Variants in GSTCD observed in about 807,000 individuals in gnomAD.
GSTCD encodes the protein glutathione S-transferase C-terminal domain-containing protein.
Under a neutral mutation model 68.3 loss-of-function variants are expected in GSTCD, and 44 were observed. That is an observed-to-expected ratio of 0.64 (90% CI 0.51 to 0.83). GSTCD has a LOEUF of 0.83. GSTCD is among the 40% of genes least tolerant of loss of function. The pLI is 0.00. For synonymous variants in GSTCD, 273 were observed against 255.2 expected (o/e 1.07, Z -0.67); for missense variants, 739 against 735.9 (o/e 1.00, Z -0.05).
intron 5 of GSTCD, among the ~76,000 whole-genome samples, chr4:105,813,966 T>C (rs1420637378): frequency 1.3e-5 from 2 of 152,178 alleles, no homozygotes; most frequent in Non-Finnish European, 2.9e-5. Context: ...TCCAGCACCT[T>C]GATCAGGGCC....
intron 5 of GSTCD, chr4:105,746,113 A>G (rs1733793565): frequency 6.6e-6 from 1 of 151,952 alleles, no homozygotes; most frequent in Admixed American, 6.6e-5. Context: ...ATAACTTTTG[A>G]CTCCCCAAAA....
chr4:105,743,715 G>A (rs1235042818), intron 5 of GSTCD, among the ~76,000 whole-genome samples: 2 of 143,250 alleles, frequency 1.4e-5, no homozygotes, highest in South Asian at 4.3e-4. Flanking sequence ...CTGGAGTGCG[G>A]TGGCACGATC....
intron 5 of GSTCD, among the ~76,000 whole-genome samples, chr4:105,786,749 T>A (rs1735483761): frequency 6.6e-6 from 1 of 152,096 alleles, no homozygotes; most frequent in South Asian, 2.1e-4. Flanking sequence ...ATGCTCAACA[T>A]CATTAGCTGT....
chr4:105,777,200 G>A (rs1421904278), intron 5 of GSTCD, among the ~76,000 whole-genome samples: 1 of 152,124 alleles, frequency 6.6e-6, no homozygotes, highest in Admixed American at 6.5e-5. Flanking sequence ...GGCACCTAAG[G>A]ATAGTGAATT....
intron 3 of GSTCD, 30 bp downstream of exon 3, chr4:105,719,557 C>A: frequency 6.7e-7 from 1 of 1,487,020 alleles, no homozygotes; most frequent in Non-Finnish European, 9.3e-7. Context: ...GTACACATTA[C>A]TATGAGTTTC....
intron 5 of GSTCD, among the ~76,000 whole-genome samples, chr4:105,793,329 C>T (rs957966724): frequency 3.3e-5 from 5 of 151,570 alleles, no homozygotes; most frequent in African/African-American, 4.9e-5. Flanking sequence ...TTTCCTAAGC[C>T]CTATCTCTGA....
chr4:105,758,952 A>C (rs1346651977), intron 5 of GSTCD, among the ~76,000 whole-genome samples: 2 of 152,220 alleles, frequency 1.3e-5, no homozygotes, highest in Non-Finnish European at 2.9e-5. Flanking sequence ...TTAATATCTG[A>C]CATCATTTTT....
chr4:105,759,879 A>G (rs76694233), intron 5 of GSTCD, among the ~76,000 whole-genome samples: 6,799 of 152,288 alleles, frequency 0.045, 210 homozygotes, highest in Middle Eastern at 0.13. Context: ...TGGAATAGCT[A>G]GTGAAATACA....
chr4:105,723,803 T>G (rs1732946137), intron 3 of GSTCD, among the ~76,000 whole-genome samples: 1 of 151,844 alleles, frequency 6.6e-6, no homozygotes. Flanking sequence ...CCTACTATGT[T>G]GATTTCACAA....
intron 5 of GSTCD, among the ~76,000 whole-genome samples, chr4:105,778,233 A>G (rs1026058213): frequency 6.6e-6 from 1 of 152,200 alleles, no homozygotes; most frequent in Non-Finnish European, 1.5e-5. Context: ...AAGCATTGGC[A>G]TAGTAAGAAT....
intron 5 of GSTCD, among the ~76,000 whole-genome samples, chr4:105,815,874 TAAC>T (rs910740524): frequency 2.6e-5 from 4 of 152,282 alleles, no homozygotes; most frequent in African/African-American, 7.2e-5. Context: ...GGACTTAAAA[TAAC>T]AACAACAAAA....
chr4:105,737,047 A>G (rs955110536), intron 5 of GSTCD, among the ~76,000 whole-genome samples: 3 of 152,150 alleles, frequency 2.0e-5, no homozygotes, highest in African/African-American at 7.2e-5. Context: ...TGCTGCAATA[A>G]ACATGTAAGG....
chr4:105,713,191 G>A (rs1436233440), intron 1 of GSTCD, among the ~76,000 whole-genome samples: 2 of 151,576 alleles, frequency 1.3e-5, no homozygotes. Context: ...ACCTAATTGT[G>A]TGGCATGCTC....
At chr4:105,795,939 A>G (rs770249200) in intron 5 of GSTCD, among the ~76,000 whole-genome samples, 4 of 152,212 alleles carry the variant, frequency 2.6e-5, no homozygotes, top group Non-Finnish European at 4.4e-5. Context: ...TCCCTGTAGA[A>G]TCGAGCTTTC....
Position 105,719,348 on chromosome 4 carries a change from C to G in GSTCD, c.715C>G (p.Leu239Val), listed in dbSNP as rs1388048179. 1 of 1,614,116 alleles carries G rather than the reference C, an allele frequency of 6.2e-7. No individual in the cohort carries two copies. Among genetic ancestry groups the G allele is most frequent in the Non-Finnish European group, 8.5e-7 (1 of 1,179,988 alleles). ...GGATTCTTCATCCAAGAGTCTGGAA[C>G]TGAAAGTGGCATTCTCAAAGCTCAC... ...GLDSSSKSLE[L>V]KVAFSKLTVQ... Residue 239 changes from leucine to valine, a missense_variant, in exon 3 of 12, where the codon CTG (leucine) becomes GTG (valine). Physicochemically the swap from Leu to Val is conservative, Grantham distance 32 (BLOSUM62 1). Transcript: ENST00000515279.
At chr4:105,723,713 T>C (rs1421338602) in intron 3 of GSTCD, among the ~76,000 whole-genome samples, 1 of 151,680 alleles carries the variant, frequency 6.6e-6, no homozygotes, top group Non-Finnish European at 1.5e-5. Flanking sequence ...CTTTAAATAA[T>C]ATGTAAAAAA....
At chr4:105,791,203 C>T (rs1025255399) in intron 5 of GSTCD, among the ~76,000 whole-genome samples, 1 of 151,856 alleles carries the variant, frequency 6.6e-6, no homozygotes, top group African/African-American at 2.4e-5. Flanking sequence ...ACCATTCTGG[C>T]TAACACAGTG....
At chr4:105,778,800 T>C (rs1387650650) in intron 5 of GSTCD, among the ~76,000 whole-genome samples, 2 of 152,144 alleles carry the variant, frequency 1.3e-5, no homozygotes, top group African/African-American at 2.4e-5. Context: ...TCCAGACATA[T>C]GAAAGTTACA....
chr4:105,768,068 C>G (rs1734691507), intron 5 of GSTCD, among the ~76,000 whole-genome samples: 1 of 149,168 alleles, frequency 6.7e-6, no homozygotes. Context: ...CGGAGTCTCT[C>G]CCTGTCTCCC....
Sources: gnomAD v4.1 joint callset for allele counts (sites outside exome capture counted in the v4.1 genomes callset) on GRCh38, gnomAD v4.1.1 for gene constraint, MANE v1.5 for transcripts, NCBI Gene and HGNC (gene_info 2026-07-23, HGNC 2026-07-21) for gene names.